Variants in DSCAM observed in about 807,000 individuals in gnomAD.
DSCAM encodes the protein cell adhesion molecule DSCAM.
Under a neutral mutation model 217.7 loss-of-function variants are expected in DSCAM, and 47 were observed. That is an observed-to-expected ratio of 0.22 (90% CI 0.17 to 0.28). The LOEUF is 0.28. Ranked by LOEUF, DSCAM falls within the 10% of genes least tolerant of loss-of-function variation. The pLI is 1.00. For missense variants in DSCAM, 2,080 were observed against 2,618.3 expected (o/e 0.79, Z 4.49); for synonymous variants, 1,056 against 1,015.3 (o/e 1.04, Z -0.76).
At chr21:40,838,862 T>A (rs2092077830) in intron 1 of DSCAM, among the ~76,000 whole-genome samples, 1 of 152,182 alleles carries the variant, frequency 6.6e-6, no homozygotes, top group African/African-American at 2.4e-5. Flanking sequence ...TGTCCAGATT[T>A]CCAACCTGTA....
chr21:40,218,764 T>A (rs115072207), intron 11 of DSCAM, among the ~76,000 whole-genome samples: 1,932 of 152,310 alleles, frequency 0.013, 40 homozygotes, highest in African/African-American at 0.043. Flanking sequence ...GTGAATGGGA[T>A]TGCCTTTCTA....
At chr21:40,078,044 C>G (rs2146552834) in intron 26 of DSCAM, among the ~76,000 whole-genome samples, 1 of 152,274 alleles carries the variant, frequency 6.6e-6, no homozygotes, top group African/African-American at 2.4e-5. Flanking sequence ...ATAAATGGCC[C>G]TTGATACCAG....
intron 3 of DSCAM, among the ~76,000 whole-genome samples, chr21:40,613,427 T>C (rs149759138): frequency 2.2e-3 from 339 of 152,314 alleles, no homozygotes; most frequent in African/African-American, 7.9e-3. Flanking sequence ...TGTTTATCTA[T>C]AGTGGTTTTA....
At chr21:40,811,133 A>T (rs138765970) in intron 1 of DSCAM, among the ~76,000 whole-genome samples, 82 of 152,272 alleles carry the variant, frequency 5.4e-4, no homozygotes, top group Admixed American at 7.8e-4. Context: ...GGTTTCTCAC[A>T]TCCTTTCCAG....
At position 40,015,859 on chromosome 21, in the gene DSCAM, G is replaced by A. The variant is rs191974755; in HGVS notation, c.5687-2473C>T. Among the ~76,000 whole-genome samples, 365 of 152,324 alleles carry A rather than the reference G, an allele frequency of 2.4e-3. 4 individuals carry two copies. Among genetic ancestry groups the A allele is most frequent in the Non-Finnish European group, 1.2e-3 (84 of 68,036 alleles). ...GTCCACTTTGCAACCAACACTGCCT[G>A]ACTTGAGCTGGACTGACGCTGGGTC... On this transcript the variant is annotated intron_variant, in intron 32 of 32. Coordinates refer to ENST00000400454, the MANE Select transcript of DSCAM (RefSeq NM_001389.5).
intron 3 of DSCAM, among the ~76,000 whole-genome samples, chr21:40,472,886 C>T (rs148703009): frequency 2.6e-5 from 4 of 152,128 alleles, no homozygotes; most frequent in South Asian, 2.1e-4. Flanking sequence ...TGGAGAGAAA[C>T]GAGAAGAGAA....
At chr21:40,554,457 C>T (rs957711031) in intron 3 of DSCAM, among the ~76,000 whole-genome samples, 6 of 152,110 alleles carry the variant, frequency 3.9e-5, no homozygotes, top group Admixed American at 3.9e-4. Flanking sequence ...TTTCAGGGAC[C>T]CCTCAAGTCC....
intron 19 of DSCAM, among the ~76,000 whole-genome samples, chr21:40,130,915 C>G (rs1238712683): frequency 6.9e-6 from 1 of 144,894 alleles, no homozygotes; most frequent in Non-Finnish European, 1.5e-5. Context: ...ATTAGGAAGA[C>G]TGGTACAGGA....
chr21:40,454,277 G>C (rs1311958618), intron 3 of DSCAM, among the ~76,000 whole-genome samples: 2 of 152,180 alleles, frequency 1.3e-5, no homozygotes, highest in African/African-American at 2.4e-5. Flanking sequence ...GCCTAGTCAC[G>C]TGTTCGTATG....
At chr21:40,734,636 G>C (rs1036975340) in intron 1 of DSCAM, among the ~76,000 whole-genome samples, 4 of 152,310 alleles carry the variant, frequency 2.6e-5, no homozygotes, top group Non-Finnish European at 4.4e-5. Flanking sequence ...TACAGATAAT[G>C]TTTACCAAGC....
chr21:40,819,850 T>C (rs543301209), intron 1 of DSCAM, among the ~76,000 whole-genome samples: 3 of 152,310 alleles, frequency 2.0e-5, no homozygotes, highest in East Asian at 1.9e-4. Flanking sequence ...ATCTTTCAAA[T>C]AGAAGATTTT....
chr21:40,447,348 A>G (rs1422917648), intron 3 of DSCAM, among the ~76,000 whole-genome samples: 3 of 152,246 alleles, frequency 2.0e-5, no homozygotes, highest in Non-Finnish European at 2.9e-5. Context: ...GGATAAGTAA[A>G]GACCACGAAC....
chr21:40,594,974 T>C (rs908603916), intron 3 of DSCAM, among the ~76,000 whole-genome samples: 3 of 152,180 alleles, frequency 2.0e-5, no homozygotes, highest in African/African-American at 7.2e-5. Flanking sequence ...AACCAACACT[T>C]ACTGGGTGCA....
chr21:40,135,505 C>G (rs1435736192), intron 18 of DSCAM, among the ~76,000 whole-genome samples: 2 of 152,224 alleles, frequency 1.3e-5, no homozygotes, highest in Non-Finnish European at 2.9e-5. Context: ...GGCCGCGGAT[C>G]TCAGCTGCTC....
At chr21:40,495,942 A>G (rs1159702704) in intron 3 of DSCAM, among the ~76,000 whole-genome samples, 2 of 152,184 alleles carry the variant, frequency 1.3e-5, no homozygotes, top group Non-Finnish European at 2.9e-5. Context: ...AGCTGCCAAA[A>G]AATAGTAAAA....
intron 1 of DSCAM, among the ~76,000 whole-genome samples, chr21:40,796,730 T>G (rs1442497075): frequency 6.6e-6 from 1 of 152,172 alleles, no homozygotes; most frequent in Non-Finnish European, 1.5e-5. Flanking sequence ...ATCTGCATTT[T>G]AATAAAATTC....
intron 10 of DSCAM, among the ~76,000 whole-genome samples, chr21:40,284,952 A>T (rs2073806912): frequency 6.6e-6 from 1 of 152,230 alleles, no homozygotes; most frequent in Non-Finnish European, 1.5e-5. Flanking sequence ...CATGGTCTAG[A>T]TTAGTGTCTA....
At chr21:40,600,694 G>T (rs143999479) in intron 3 of DSCAM, among the ~76,000 whole-genome samples, 46 of 152,104 alleles carry the variant, frequency 3.0e-4, no homozygotes, top group Non-Finnish European at 4.1e-4. Context: ...GAGTTTTTTT[G>T]TTGTTGTTGT....
At chr21:40,137,931 A>T (rs1217795063) in intron 18 of DSCAM, among the ~76,000 whole-genome samples, 4 of 152,154 alleles carry the variant, frequency 2.6e-5, no homozygotes, top group Non-Finnish European at 4.4e-5. Context: ...GATGGATGAG[A>T]TGGAAGTTAG....
Sources: gnomAD v4.1 joint callset for allele counts (sites outside exome capture counted in the v4.1 genomes callset) on GRCh38, gnomAD v4.1.1 for gene constraint, MANE v1.5 for transcripts, NCBI Gene and HGNC (gene_info 2026-07-23, HGNC 2026-07-21) for gene names.